Variants in CMSS1 observed in about 807,000 individuals in gnomAD.
CMSS1 encodes cms1 ribosomal small subunit homolog, also known as protein CMSS1.
A neutral mutation model predicts 43.5 loss-of-function variants in CMSS1; 33 were observed. That is an observed-to-expected ratio of 0.76 (90% confidence interval 0.57 to 1.01). The LOEUF is 1.01. CMSS1 is among the 50% of genes least tolerant of loss of function. The pLI, the probability that CMSS1 is intolerant of heterozygous loss-of-function variation, is 0.00. For synonymous variants in CMSS1, 115 were observed against 117.2 expected, an observed-to-expected ratio of 0.98 and a Z score of 0.12; for missense variants, 313 against 326.4, an observed-to-expected ratio of 0.96 and a Z score of 0.32.
chr3:100,138,582 GA>G (rs1216819472), intron 1 of CMSS1, among the ~76,000 whole-genome samples: 4 of 152,120 alleles, frequency 2.6e-5, no homozygotes, highest in African/African-American at 9.7e-5. Flanking sequence ...ACAGACATAT[GA>G]AAAAAAGCTC....
At chr3:100,049,199 A>G (rs752833822) in intron 1 of CMSS1, among the ~76,000 whole-genome samples, 1 of 152,166 alleles carries the variant, frequency 6.6e-6, no homozygotes, top group African/African-American at 2.4e-5. Flanking sequence ...TATCTTCTCT[A>G]CATTATAGAA....
intron 1 of CMSS1, chr3:99,848,830 A>T: frequency 6.2e-7 from 1 of 1,613,956 alleles, no homozygotes; most frequent in South Asian, 1.1e-5. Flanking sequence ...GGCGTTTTGG[A>T]GGATGGTTAT....
intron 1 of CMSS1, among the ~76,000 whole-genome samples, chr3:99,831,613 A>C (rs769958311): frequency 1.3e-5 from 2 of 152,236 alleles, no homozygotes; most frequent in Non-Finnish European, 2.9e-5. Context: ...CTATAGCATT[A>C]ATAATAGCCT....
At chr3:100,122,823 A>G (rs2066632727) in intron 1 of CMSS1, among the ~76,000 whole-genome samples, 2 of 152,266 alleles carry the variant, frequency 1.3e-5, no homozygotes, top group South Asian at 2.1e-4. Context: ...GAATACATGA[A>G]AAACCTCTAA....
intron 1 of CMSS1, among the ~76,000 whole-genome samples, chr3:100,107,831 C>G (rs898622644): frequency 6.8e-6 from 1 of 146,788 alleles, no homozygotes; most frequent in African/African-American, 2.5e-5. Context: ...ATTATGGAAT[C>G]TTCATTACAT....
intron 1 of CMSS1, among the ~76,000 whole-genome samples, chr3:100,016,483 C>G (rs1022141073): frequency 6.6e-6 from 1 of 152,194 alleles, no homozygotes. Flanking sequence ...CTACACCCAG[C>G]TGGGTCAGCT....
At chr3:99,866,005 G>T (rs558725979) in intron 1 of CMSS1, among the ~76,000 whole-genome samples, 1 of 151,870 alleles carries the variant, frequency 6.6e-6, no homozygotes, top group African/African-American at 2.4e-5. Flanking sequence ...GATATTGCAC[G>T]TGGGCATTTT....
At chr3:99,869,625 T>C (rs904788390) in intron 1 of CMSS1, among the ~76,000 whole-genome samples, 9 of 152,182 alleles carry the variant, frequency 5.9e-5, no homozygotes, top group Admixed American at 3.3e-4. Flanking sequence ...AACTTTCTCA[T>C]GTTCTCTCTA....
intron 1 of CMSS1, chr3:99,964,270 A>T (rs1268980198): frequency 6.6e-6 from 1 of 151,476 alleles, no homozygotes; most frequent in East Asian, 2.0e-4. Context: ...TAGCTAGGTT[A>T]CAGGTTCCAT....
At chr3:99,903,457 G>C (rs957775796) in intron 1 of CMSS1, among the ~76,000 whole-genome samples, 1 of 151,966 alleles carries the variant, frequency 6.6e-6, no homozygotes, top group African/African-American at 2.4e-5. Context: ...TCACCATGTT[G>C]GTCAGGCTGG....
chr3:100,172,133 A>G lies in CMSS1; in HGVS notation c.580-183A>G, dbSNP rs1362671994. 6.2e-6 allele frequency: 4 copies of G among 647,630 alleles called. No individual in the cohort carries two copies. In the East Asian group the frequency reaches 8.2e-5, roughly 13 times the overall value. 40.1% of individuals were successfully genotyped at this position (647,630 alleles called of 1,614,324 possible). A position where few individuals can be genotyped will look rare whatever the true frequency, so the allele number is the denominator to read the frequency against. ...ATAGAACCTGAGGCTTGACCCTTTGATTCCTTGAAGATTACCAGTTTTCTA... is the reference window on the plus strand; with the variant it reads ...ATAGAACCTGAGGCTTGACCCTTTGGTTCCTTGAAGATTACCAGTTTTCTA... On this transcript the variant is annotated intron_variant, in intron 7 of 9. Coordinates refer to ENST00000421999, the MANE Select transcript of CMSS1 (RefSeq NM_032359.4).
At chr3:100,042,508 T>C (rs559639550) in intron 1 of CMSS1, among the ~76,000 whole-genome samples, 4 of 152,310 alleles carry the variant, frequency 2.6e-5, no homozygotes, top group African/African-American at 9.6e-5. Flanking sequence ...ACAAATCATA[T>C]CAGGCTCTTG....
At chr3:99,897,273 C>T (rs532539043) in intron 1 of CMSS1, among the ~76,000 whole-genome samples, 18 of 152,072 alleles carry the variant, frequency 1.2e-4, no homozygotes, top group African/African-American at 4.3e-4. Flanking sequence ...GCAGGAGAAT[C>T]GCTCGAACCC....
chr3:100,074,759 T>C (rs1290293620), intron 1 of CMSS1, among the ~76,000 whole-genome samples: 1 of 136,654 alleles, frequency 7.3e-6, no homozygotes, highest in Non-Finnish European at 1.5e-5. Flanking sequence ...AATGGCACGA[T>C]CTTGGCTCAC....
intron 1 of CMSS1, among the ~76,000 whole-genome samples, chr3:100,004,288 G>A (rs1355714574): frequency 6.6e-6 from 1 of 152,186 alleles, no homozygotes; most frequent in African/African-American, 2.4e-5. Flanking sequence ...AGAGTGAACT[G>A]AAACTGTCTT....
intron 1 of CMSS1, among the ~76,000 whole-genome samples, chr3:100,094,777 G>C (rs544767860): frequency 6.8e-6 from 1 of 147,076 alleles, no homozygotes; most frequent in Non-Finnish European, 1.5e-5. Context: ...TCTGCCTCCC[G>C]GGTTCATGCC....
intron 1 of CMSS1, among the ~76,000 whole-genome samples, chr3:99,873,351 T>C (rs929075676): frequency 1.3e-5 from 2 of 152,242 alleles, no homozygotes; most frequent in Non-Finnish European, 2.9e-5. Flanking sequence ...ATTAGATTTT[T>C]CAAAGATGAC....
chr3:99,914,966 C>T (rs774750120), intron 1 of CMSS1, among the ~76,000 whole-genome samples: 9 of 152,166 alleles, frequency 5.9e-5, no homozygotes, highest in Non-Finnish European at 1.3e-4. Context: ...ATAAAAACTG[C>T]AATGTATGAA....
chr3:100,110,615 T>C (rs2066474893), intron 1 of CMSS1, among the ~76,000 whole-genome samples: 1 of 152,222 alleles, frequency 6.6e-6, no homozygotes, highest in Non-Finnish European at 1.5e-5. Flanking sequence ...TGCTTGGTCA[T>C]AGCTAATAAT....
Sources: allele counts gnomAD v4.1 joint callset (sites outside exome capture counted in the v4.1 genomes callset), GRCh38; gene constraint gnomAD v4.1.1; transcripts MANE v1.5; gene names NCBI Gene and HGNC (gene_info 2026-07-23, HGNC 2026-07-21).